The following NUMA1 variants were observed in gnomAD, a reference collection of about 807,000 sequenced individuals.
NUMA1 encodes the protein SP-H antigen.
In NUMA1, 62 loss-of-function variants were observed where a neutral mutation model predicts 237.1. The observed-to-expected ratio is 0.26, with a 90% CI of 0.21 to 0.32. The LOEUF is 0.32. Ranked by LOEUF, NUMA1 falls within the 10% of genes least tolerant of loss-of-function variation. The pLI, the probability that NUMA1 is intolerant of heterozygous loss-of-function variation, is 1.00. For missense variants in NUMA1, 2,533 were observed against 2,666.5 expected (o/e 0.95, Z 1.10); for synonymous variants, 1,028 against 1,066.1 (o/e 0.96, Z 0.70).
chr11:72,022,315 T>C (rs1248874109), intron 7 of NUMA1, 24 bp downstream of exon 7: 1 of 1,541,092 alleles, frequency 6.5e-7, no homozygotes, highest in Non-Finnish European at 9.0e-7. Context: ...GCCTGCTAGG[T>C]GGCATGGAGG....
chr11:72,014,704 G>A lies in NUMA1; in HGVS notation c.2799C>T (p.Ala933=), dbSNP rs1268376691. Residue 933 remains alanine (A), a synonymous_variant, in exon 15 of 27, where the codon GCC becomes GCT. Transcript: ENST00000393695. The surrounding 1 kb of genome is among the most constrained non-coding windows in gnomAD (Gnocchi z 4.6). ...VRKAGEQQET[A]SRELVKEPAR... ...CAGGCTCCTTGACTAACTCCCGGGA[G>A]GCTGTTTCCTGCTGCTCACCTGCCT... The A allele has an allele frequency of 1.9e-6, 3 of 1,613,910 alleles. No individual in the cohort carries two copies. The East Asian group carries it at 6.7e-5, about 36-fold the overall frequency.
chr11:72,022,384 G>C lies in NUMA1; in HGVS notation c.327C>G (p.Ser109Arg). ...GTTCCCAGTCCCTGGGACTTTTGGA[G>C]CTCATGGTAGAGTGGTATAAGAGCA... Reference protein sequence around the residue: ...TMLLLYHSTMSSKSPRDWEQF... With the variant: ...TMLLLYHSTMRSKSPRDWEQF... Residue 109 changes from serine to arginine, a missense_variant, in exon 7 of 27, where the codon AGC (serine) becomes AGG (arginine). Ser to Arg is a moderately radical substitution (Grantham distance 110). Around this residue, in one of 3 missense-constraint regions of NUMA1, gnomAD observed 1,414 missense variants for 1,508.1 expected, o/e 0.94. Transcript: ENST00000393695. The C allele has an allele frequency of 6.2e-7, 1 of 1,613,788 alleles. No homozygotes were observed. Among genetic ancestry groups the C allele is most frequent in the Non-Finnish European group, 8.5e-7 (1 of 1,179,822 alleles).
Position 72,013,331 on chromosome 11 carries a change from G to A in NUMA1, c.4172C>T (p.Ala1391Val), listed in dbSNP as rs368983626. Reference sequence around the variant, plus strand: ...CAGCTCTGCCCGCAGTCCCCCAGCGGCCTGCTTGCTCTGCTCCAGCTCCTC... The same window carrying A: ...CAGCTCTGCCCGCAGTCCCCCAGCGACCTGCTTGCTCTGCTCCAGCTCCTC... ...HREELEQSKQ[A>V]AGGLRAELLR... Residue 1391 changes from alanine (A) to valine (V), a missense_variant, in exon 15 of 27, where the codon GCC becomes GTC. Physicochemically the swap from Ala to Val is moderately conservative, Grantham distance 64. Coordinates refer to ENST00000393695, the MANE Select transcript of NUMA1 (RefSeq NM_006185.4). This position sits in a 1 kb window ranked among gnomAD's most constrained non-coding sequence, Gnocchi z 6.8. The A allele has an allele frequency of 2.4e-4, 386 of 1,606,570 alleles. No individual in the cohort carries two copies. The highest frequency in any genetic ancestry group is 3.1e-4 in the Non-Finnish European group (367 of 1,179,822).
Position 72,043,357 on chromosome 11 carries a change from C to CT in NUMA1, c.-32-7383dup, listed in dbSNP as rs35559801. ...AACAAAAAATTAGCCAGGCGGAGTT[C>CT]TTTTTTTTTTTTTTTTTTTTTTTAA... On this transcript the variant is annotated intron_variant, in intron 2 of 26. Transcript: ENST00000393695. Among the ~76,000 whole-genome samples the CT allele has an allele frequency of 6.4e-4, 68 of 105,594 alleles. No individual in the cohort carries two copies. In the South Asian group the frequency reaches 7.2e-3, roughly 11 times the overall value. 69.3% of individuals were successfully genotyped at this position (105,594 alleles called of 152,430 possible).
In NUMA1 at chr11:72,029,241, T is replaced by C. The variant is rs929382509; in HGVS notation, c.92A>G (p.Gln31Arg). ...GATCTTGATGAAGATGCTGCAGTCCTGGAGCTGCAGCACAGCCTCCACAGG... is the reference window on the plus strand; with the variant it reads ...GATCTTGATGAAGATGCTGCAGTCCCGGAGCTGCAGCACAGCCTCCACAGG... ...ADPVEAVLQL[Q>R]DCSIFIKIID... The change falls in exon 4 of 27, where the codon CAG becomes CGG. Residue 31 changes from glutamine to arginine, a missense_variant. This residue lies in a region of NUMA1 where 1,414 missense variants were observed against 1,508.1 expected (regional missense o/e 0.94). Transcript: ENST00000393695. 3 of 1,611,028 alleles carry C rather than the reference T, an allele frequency of 1.9e-6. No homozygotes were observed. The highest frequency in any genetic ancestry group is 2.5e-6 in the Non-Finnish European group (3 of 1,179,568).
At chr11:72,027,375 T>G (rs1006130935) in intron 4 of NUMA1, among the ~76,000 whole-genome samples, 1 of 151,960 alleles carries the variant, frequency 6.6e-6, no homozygotes, top group African/African-American at 2.4e-5. Flanking sequence ...AGTTGCAAAA[T>G]GCTGACTTAC....
chr11:72,018,750 G>C (rs1233444984), intron 10 of NUMA1, 73 bp downstream of exon 10: 10 of 1,530,510 alleles, frequency 6.5e-6, no homozygotes, highest in Non-Finnish European at 6.2e-6. Flanking sequence ...CAGCAGAGGG[G>C]ACAACATGGG....
rs201001720 is a variant in NUMA1 at position 72,015,273 on chromosome 11, G to C, written c.2230C>G (p.Arg744Gly). ...RCISELKAET[R>G]SLVEQHKRER... ...CGCTTATGCTGCTCCACCAGGCTTC[G>C]GGTCTCTGCCTTCAGCTCAGAGATA... Residue 744 changes from arginine to glycine, a missense_variant, in exon 15 of 27, where the codon CGA (arginine) becomes GGA (glycine). Arg to Gly is a moderately radical substitution (Grantham distance 125). Around this residue, in one of 3 missense-constraint regions of NUMA1, gnomAD observed 1,414 missense variants for 1,508.1 expected, o/e 0.94. Transcript: ENST00000393695. This position sits in a 1 kb window ranked among gnomAD's most constrained non-coding sequence, Gnocchi z 4.0. 5 of 1,613,422 alleles carry C rather than the reference G, an allele frequency of 3.1e-6. No homozygotes were observed. The highest frequency in any genetic ancestry group is 2.2e-5 in the South Asian group (2 of 91,088).
rs1367114025 is a variant in NUMA1, at chr11:72,018,883, T to G, written c.682A>C (p.Ser228Arg). ...RLKKQLADER[S>R]NRDELELELA... Reference sequence around the variant, plus strand: ...TCCAGCTCCAGCTCATCCCTATTACTTCTCTCATCAGCAAGCTGCTTCTTC... The same window carrying G: ...TCCAGCTCCAGCTCATCCCTATTACGTCTCTCATCAGCAAGCTGCTTCTTC... Residue 228 changes from serine (S) to arginine (R), a missense_variant, in exon 10 of 27, where the codon AGT becomes CGT. Physicochemically the swap from Ser to Arg is moderately radical, Grantham distance 110. Transcript: ENST00000393695. The G allele has an allele frequency of 5.0e-6, 8 of 1,613,678 alleles. No homozygotes were observed. Among genetic ancestry groups the G allele is most frequent in the Non-Finnish European group, 6.8e-6 (8 of 1,179,990 alleles).
At chr11:72,047,803 G>A (rs911885047) in intron 2 of NUMA1, 3 of 152,194 alleles carry the variant, frequency 2.0e-5, no homozygotes, top group Admixed American at 6.5e-5. Flanking sequence ...GTAAGTGACA[G>A]AGAAAAGACT....
rs954485320 is a variant in NUMA1, at chr11:72,010,639, G to C, written c.4719+147C>G. On this transcript the variant is annotated intron_variant, in intron 17 of 26. Coordinates refer to ENST00000393695, the MANE Select transcript of NUMA1 (RefSeq NM_006185.4). Reference sequence around the variant, plus strand: ...GAGAGCTCCCAGAAGACACATGCAGGGGCTTCTAAGCCACAGGCTTCCTAG... The same window carrying C: ...GAGAGCTCCCAGAAGACACATGCAGCGGCTTCTAAGCCACAGGCTTCCTAG... The C allele has an allele frequency of 6.9e-6, 5 of 728,386 alleles. No homozygotes were observed. The African/African-American group carries it at 8.9e-5, about 13-fold the overall frequency. 45.1% of individuals were successfully genotyped at this position (728,386 alleles called of 1,614,324 possible). A position where few individuals can be genotyped will look rare whatever the true frequency, so the allele number is the denominator to read the frequency against.
At chr11:72,057,264 A>T (rs1167054242) in intron 2 of NUMA1, among the ~76,000 whole-genome samples, 1 of 152,192 alleles carries the variant, frequency 6.6e-6, no homozygotes, top group Non-Finnish European at 1.5e-5. Context: ...AAGCTCACAC[A>T]TCAGAAAGTT....
Position 72,013,945 on chromosome 11 carries a change from G to C in NUMA1, c.3558C>G (p.Ala1186=), listed in dbSNP as rs1262681740. 1 of 1,613,760 alleles carries C rather than the reference G, an allele frequency of 6.2e-7. No homozygotes were observed. The change falls in exon 15 of 27, where the codon GCC becomes GCG. Residue 1186 remains alanine, a synonymous_variant. Coordinates refer to ENST00000393695, the MANE Select transcript of NUMA1 (RefSeq NM_006185.4). This position sits in a 1 kb window ranked among gnomAD's most constrained non-coding sequence, Gnocchi z 6.8. ...QELGHSQSAL[A]SAQRELAAFR... is the part of the protein sequence containing the mutation. ...AGGCAGCCAACTCCCGTTGGGCCGA[G>C]GCTAAGGCACTCTGACTGTGCCCTA...
At chr11:72,004,374 G>C in intron 24 of NUMA1, 33 bp from the exon 25 acceptor site, 1 of 1,577,542 alleles carries the variant, frequency 6.3e-7, no homozygotes, top group East Asian at 2.2e-5. Context: ...GCAGACAGTA[G>C]CAAGAGGAGT....
At chr11:72,024,222 C>G in intron 5 of NUMA1, 52 bp downstream of exon 5, 2 of 1,551,738 alleles carry the variant, frequency 1.3e-6, no homozygotes, top group Non-Finnish European at 1.8e-6. Flanking sequence ...ACTCTCCAAT[C>G]CCACGAGCTG....
chr11:72,012,507 GC>G, intron 15 of NUMA1, 65 bp from the exon 16 acceptor site: 1 of 1,494,612 alleles, frequency 6.7e-7, no homozygotes, highest in Non-Finnish European at 9.3e-7. Flanking sequence ...CAGCCCTGCT[GC>G]CAGGCTGACC....
chr11:72,033,486 C>A (rs1940614362), intron 3 of NUMA1, among the ~76,000 whole-genome samples: 1 of 151,984 alleles, frequency 6.6e-6, no homozygotes, highest in African/African-American at 2.4e-5. Context: ...GATCCTCCCA[C>A]CTCAGCCTCC....
At chr11:72,005,063 C>A (rs1590854453) in intron 23 of NUMA1, among the ~76,000 whole-genome samples, 170 bp downstream of exon 23, 1 of 152,144 alleles carries the variant, frequency 6.6e-6, no homozygotes, top group South Asian at 2.1e-4. Flanking sequence ...AGGGACTTCA[C>A]CCCTGAGTGC....
At chr11:72,006,438 C>CAA (rs1955710317) in intron 21 of NUMA1, among the ~76,000 whole-genome samples, 175 bp from the exon 22 acceptor site, 1 of 152,202 alleles carries the variant, frequency 6.6e-6, no homozygotes, top group African/African-American at 2.4e-5. Context: ...GAAGCCCTCA[C>CAA]AAGGTGGTGC....
Sources: gnomAD v4.1 joint callset for allele counts (sites outside exome capture counted in the v4.1 genomes callset) on GRCh38, gnomAD v4.1.1 for gene constraint, gnomAD v4.1.1 regional missense constraint, Gnocchi (gnomAD v3.1) non-coding constraint, MANE v1.5 for transcripts, NCBI Gene and HGNC (gene_info 2026-07-23, HGNC 2026-07-21) for gene names.